FEM1C: variants seen among roughly 807,000 people sequenced by gnomAD.
FEM1C encodes the protein fem-1 homolog C, also known as protein fem-1 homolog C.
Under a neutral mutation model 37.6 loss-of-function variants are expected in FEM1C, and 15 were observed. That is an observed-to-expected ratio of 0.40 (90% confidence interval 0.27 to 0.61). The LOEUF (loss-of-function observed/expected upper bound fraction) is 0.61, where lower values mean the gene tolerates loss of function less well. Ranked by LOEUF, FEM1C falls within the 20% of genes least tolerant of loss-of-function variation. The probability of loss-of-function intolerance (pLI) is 0.42; values close to 1 mark genes in which losing one functional copy is unlikely to be tolerated. For missense variants in FEM1C, 532 were observed against 749.7 expected (o/e 0.71, Z 3.39); for synonymous variants, 287 against 272.8 (o/e 1.05, Z -0.51).
At chr5:115,542,748 G>A (rs919052668) in intron 2 of FEM1C, among the ~76,000 whole-genome samples, 9 of 152,138 alleles carry the variant, frequency 5.9e-5, no homozygotes, top group African/African-American at 1.9e-4. Flanking sequence ...CTGCTTAACA[G>A]AGTAACAGAA....
intron 2 of FEM1C, among the ~76,000 whole-genome samples, chr5:115,530,761 C>A (rs1487047887): frequency 6.6e-6 from 1 of 152,050 alleles, no homozygotes; most frequent in East Asian, 1.9e-4. Context: ...TACTCACTTG[C>A]TTCGTCGGTC....
In FEM1C at chr5:115,525,216, C is replaced by T. The variant is rs1256105221; in HGVS notation, c.946G>A (p.Asp316Asn). The change falls in exon 3 of 3, where the codon GAT becomes AAT. Residue 316 changes from aspartate (D) to asparagine (N), a missense_variant. Asp to Asn is a conservative substitution (Grantham distance 23). This residue lies in a region of FEM1C where 221 missense variants were observed against 404.1 expected (regional missense o/e 0.55). Coordinates refer to ENST00000274457, the MANE Select transcript of FEM1C (RefSeq NM_020177.3). ...EELEGLIADPDEMRMQALLIR... is the reference protein window; with the variant it reads ...EELEGLIADPNEMRMQALLIR... ...AATAGTGCCTGCATTCTCATCTCATCAGGATCAGCAATAAGACCTTCTAGC... is the reference window on the plus strand; with the variant it reads ...AATAGTGCCTGCATTCTCATCTCATTAGGATCAGCAATAAGACCTTCTAGC... The T allele has an allele frequency of 5.6e-6, 9 of 1,613,448 alleles. No homozygotes were observed. Among genetic ancestry groups the T allele is most frequent in the Non-Finnish European group, 7.6e-6 (9 of 1,179,746 alleles).
intron 2 of FEM1C, among the ~76,000 whole-genome samples, chr5:115,540,828 C>A (rs1447633701): frequency 1.3e-5 from 2 of 151,988 alleles, no homozygotes; most frequent in African/African-American, 2.4e-5. Context: ...TCAATAATAT[C>A]TACATCAAGC....
Position 115,524,867 on chromosome 5 carries a change from G to A in FEM1C, c.1295C>T (p.Pro432Leu), listed in dbSNP as rs1753855110. 1.2e-6 allele frequency: 2 copies of A among 1,613,604 alleles called. No homozygotes were observed. Among genetic ancestry groups the A allele is most frequent in the Middle Eastern group, 1.7e-4 (1 of 6,054 alleles). Residue 432 changes from proline (P) to leucine (L), a missense_variant, in exon 3 of 3, where the codon CCA becomes CTA. Physicochemically the swap from Pro to Leu is moderately conservative, Grantham distance 98. Coordinates refer to ENST00000274457, the MANE Select transcript of FEM1C (RefSeq NM_020177.3). ...IERAIKQTQC[P>L]ADPLQLNKAL... ...CTTATTTAACTGTAATGGGTCAGCT[G>A]GACACTGAGTTTGTTTGATAGCTCG...
At chr5:115,538,560 C>G (rs777860355) in intron 2 of FEM1C, among the ~76,000 whole-genome samples, 1 of 151,890 alleles carries the variant, frequency 6.6e-6, no homozygotes. Context: ...TAGTAGAATG[C>G]GGTTAGATGT....
intron 2 of FEM1C, among the ~76,000 whole-genome samples, chr5:115,534,523 T>C (rs1334418808): frequency 6.6e-6 from 1 of 151,882 alleles, no homozygotes; most frequent in Non-Finnish European, 1.5e-5. Flanking sequence ...ATAAAAGAGC[T>C]TCAACATAAC....
chr5:115,529,869 T>C (rs1753980319), intron 2 of FEM1C, among the ~76,000 whole-genome samples: 1 of 151,772 alleles, frequency 6.6e-6, no homozygotes, highest in African/African-American at 2.4e-5. Context: ...CTACATTTTC[T>C]CTAACATATA....
rs1246617415 is a variant in FEM1C at position 115,521,201 on chromosome 5, A to G, written c.*3107T>C. 1 of 151,748 alleles carries G rather than the reference A, an allele frequency of 6.6e-6. No individual in the cohort carries two copies. The highest frequency in any genetic ancestry group is 1.5e-5 in the Non-Finnish European group (1 of 67,746). 9.4% of individuals were successfully genotyped at this position (151,748 alleles called of 1,614,324 possible). A position where few individuals can be genotyped will look rare whatever the true frequency, so the allele number is the denominator to read the frequency against. On this transcript the variant is annotated 3_prime_UTR_variant, in exon 3 of 3. Coordinates refer to ENST00000274457, the MANE Select transcript of FEM1C (RefSeq NM_020177.3). ...TAATGCTGCTGTTACAGTGTAAAAG[A>G]GTATGTCATTATCTCATCCAGCCTG...
chr5:115,522,905 C>A lies in FEM1C; in HGVS notation c.*1403G>T, dbSNP rs1027079839. 1.3e-5 allele frequency: 2 copies of A among 151,302 alleles called. No individual in the cohort carries two copies. The highest frequency in any genetic ancestry group is 4.9e-5 in the African/African-American group (2 of 41,020). 9.4% of individuals were successfully genotyped at this position (151,302 alleles called of 1,614,324 possible). On this transcript the variant is annotated 3_prime_UTR_variant, in exon 3 of 3. Coordinates refer to ENST00000274457, the MANE Select transcript of FEM1C (RefSeq NM_020177.3). The stretch of plus-strand genomic sequence containing the variant: ...TTCACTTATCTTAAGTTAAAAGAGC[C>A]CTTTCTGTGGCATTAGCAAATCTGT...
At chr5:115,537,047 T>C (rs970041996) in intron 2 of FEM1C, among the ~76,000 whole-genome samples, 3 of 151,992 alleles carry the variant, frequency 2.0e-5, no homozygotes, top group Non-Finnish European at 4.4e-5. Context: ...TGTCCTCTAG[T>C]TCACAGACTC....
At chr5:115,533,676 T>C (rs958999111) in intron 2 of FEM1C, among the ~76,000 whole-genome samples, 2 of 151,926 alleles carry the variant, frequency 1.3e-5, no homozygotes, top group Admixed American at 1.3e-4. Context: ...TTCCCAAAGA[T>C]TTTCCATCTC....
rs1462181510 is a variant in FEM1C, at chr5:115,542,944, A to T, written c.544+6T>A. On this transcript the variant is annotated splice_donor_region_variant and intron_variant, in intron 2 of 2. Transcript: ENST00000274457. ...ACATTTAGAAAAACAAAGAAGCTGA[A>T]CTCACCTTTGACACTTTTTCTATTA... 1.2e-6 allele frequency: 2 copies of T among 1,606,266 alleles called. No homozygotes were observed. Among genetic ancestry groups the T allele is most frequent in the Admixed American group, 3.4e-5 (2 of 58,866 alleles).
chr5:115,525,793 G>A (rs950976759), intron 2 of FEM1C, among the ~76,000 whole-genome samples, 176 bp from the exon 3 acceptor site: 7 of 152,072 alleles, frequency 4.6e-5, no homozygotes, highest in African/African-American at 1.7e-4. Context: ...ACTAGTATCT[G>A]ATATTAAACT....
At chr5:115,530,145 T>C (rs1267810311) in intron 2 of FEM1C, among the ~76,000 whole-genome samples, 1 of 151,950 alleles carries the variant, frequency 6.6e-6, no homozygotes, top group Non-Finnish European at 1.5e-5. Flanking sequence ...ACACACTGCC[T>C]ACAAGACACA....
In FEM1C at chr5:115,525,518, A is replaced by G; in HGVS notation, c.644T>C (p.Met215Thr). 3.7e-6 allele frequency: 6 copies of G among 1,613,712 alleles called. No homozygotes were observed. Among genetic ancestry groups the G allele is most frequent in the Non-Finnish European group, 5.1e-6 (6 of 1,179,778 alleles). The stretch of plus-strand genomic sequence containing the variant: ...CACACTTGCTGAGAGAAGGGGAGTC[A>G]TTCCATAACCATCCTTTTCCATCTT... ...CAKMEKDGYG[M>T]TPLLSASVTG... The change falls in exon 3 of 3, where the codon ATG becomes ACG. Residue 215 changes from methionine (M) to threonine (T), a missense_variant. This residue lies in a region of FEM1C where 221 missense variants were observed against 404.1 expected (regional missense o/e 0.55). Coordinates refer to ENST00000274457, the MANE Select transcript of FEM1C (RefSeq NM_020177.3).
At chr5:115,538,777 C>T (rs1196033766) in intron 2 of FEM1C, among the ~76,000 whole-genome samples, 1 of 151,942 alleles carries the variant, frequency 6.6e-6, no homozygotes, top group African/African-American at 2.4e-5. Context: ...TTCCTGGACC[C>T]TCCAAGCATA....
At chr5:115,529,030 A>C (rs150666542) in intron 2 of FEM1C, among the ~76,000 whole-genome samples, 4 of 152,106 alleles carry the variant, frequency 2.6e-5, no homozygotes, top group Non-Finnish European at 5.9e-5. Context: ...AAGAACAGAA[A>C]AGATGGAGAC....
chr5:115,532,166 T>C (rs1335306460), intron 2 of FEM1C, among the ~76,000 whole-genome samples: 1 of 152,124 alleles, frequency 6.6e-6, no homozygotes, highest in African/African-American at 2.4e-5. Context: ...ATCCTAATAA[T>C]TATTCACATA....
chr5:115,534,789 C>T (rs1470582577), intron 2 of FEM1C, among the ~76,000 whole-genome samples: 3 of 151,932 alleles, frequency 2.0e-5, no homozygotes, highest in Admixed American at 1.3e-4. Context: ...TATAAAATCA[C>T]CAGAGAATCA....
Sources: allele counts gnomAD v4.1 joint callset (sites outside exome capture counted in the v4.1 genomes callset), GRCh38; gene constraint gnomAD v4.1.1; regional missense constraint gnomAD v4.1.1; transcripts MANE v1.5; gene names NCBI Gene and HGNC (gene_info 2026-07-23, HGNC 2026-07-21).